ASTN2: variants seen among roughly 807,000 people sequenced by gnomAD.
ASTN2 encodes the protein astrotactin 2.
In ASTN2, 54 loss-of-function variants were observed where a neutral mutation model predicts 139.8. The ratio of observed to expected loss-of-function variants is 0.39; its 90% confidence interval spans 0.31 to 0.48. The LOEUF (loss-of-function observed/expected upper bound fraction) is 0.48. ASTN2 is among the 20% of genes least tolerant of loss of function. ASTN2 has a pLI of 0.95. For missense variants in ASTN2, 1,565 were observed against 1,725.1 expected, an observed-to-expected ratio of 0.91 and a Z score of 1.64; for synonymous variants, 756 against 719.5, an observed-to-expected ratio of 1.05 and a Z score of -0.81.
intron 19 of ASTN2, 141 bp from the exon 20 acceptor site, chr9:116,487,641 G>A (rs1437801774): frequency 3.1e-5 from 27 of 876,140 alleles, no homozygotes; most frequent in Non-Finnish European, 4.2e-5. Context: ...ATATGAAAAT[G>A]AAACAGATTT....
intron 13 of ASTN2, among the ~76,000 whole-genome samples, chr9:116,792,187 A>G (rs1483489132): frequency 1.3e-5 from 2 of 152,286 alleles, no homozygotes; most frequent in East Asian, 3.9e-4. Flanking sequence ...TAATAATAAT[A>G]AAGAACATCT....
At chr9:117,123,197 T>C (rs59940303) in intron 4 of ASTN2, among the ~76,000 whole-genome samples, 30,876 of 151,932 alleles carry the variant, frequency 0.2, 3,351 homozygotes, top group Non-Finnish European at 0.24. Flanking sequence ...GGGATGCTGA[T>C]GCTGCGTGTT....
intron 16 of ASTN2, among the ~76,000 whole-genome samples, chr9:116,658,625 C>T (rs574766072): frequency 2.6e-5 from 4 of 152,036 alleles, no homozygotes; most frequent in Admixed American, 2.6e-4. Flanking sequence ...CCTGAACAAG[C>T]CCCCCAAGAC....
At chr9:116,786,055 C>T (rs942794043) in intron 13 of ASTN2, among the ~76,000 whole-genome samples, 19 of 152,218 alleles carry the variant, frequency 1.2e-4, no homozygotes, top group Admixed American at 3.3e-4. Context: ...CTACTTGCCC[C>T]GCCTCCTTCC....
intron 1 of ASTN2, among the ~76,000 whole-genome samples, chr9:117,365,704 G>A (rs1343542373): frequency 1.3e-5 from 2 of 152,168 alleles, no homozygotes; most frequent in African/African-American, 4.8e-5. Context: ...ATTTGACAAA[G>A]CAATGCTAAC....
At chr9:117,413,547 A>G (rs1300115710) in intron 1 of ASTN2, among the ~76,000 whole-genome samples, 2 of 152,212 alleles carry the variant, frequency 1.3e-5, no homozygotes, top group African/African-American at 4.8e-5. Flanking sequence ...CTCCGAGATA[A>G]TTAAGCTATC....
At chr9:116,632,174 G>GAC (rs1856793815) in intron 17 of ASTN2, among the ~76,000 whole-genome samples, 2 of 29,342 alleles carry the variant, frequency 6.8e-5, no homozygotes, top group Non-Finnish European at 1.2e-4. Context: ...GAGAGAGAGA[G>GAC]AGAGAGAGAG....
At chr9:116,467,896 C>T (rs1455186622) in intron 20 of ASTN2, among the ~76,000 whole-genome samples, 2 of 152,194 alleles carry the variant, frequency 1.3e-5, no homozygotes, top group Admixed American at 1.3e-4. Context: ...TTTGCTCCTA[C>T]GATTGGCTCT....
intron 11 of ASTN2, among the ~76,000 whole-genome samples, chr9:116,840,033 G>T (rs1345278301): frequency 6.7e-6 from 1 of 148,446 alleles, no homozygotes; most frequent in African/African-American, 2.5e-5. Flanking sequence ...GCCTTCCACA[G>T]TGTTTGTGTC....
chr9:117,154,388 G>A (rs575052981), intron 3 of ASTN2, among the ~76,000 whole-genome samples: 16 of 151,942 alleles, frequency 1.1e-4, no homozygotes, highest in Non-Finnish European at 2.2e-4. Flanking sequence ...AAGCTAGAGA[G>A]TAACATTTGG....
At chr9:117,016,395 A>G (rs905365064) in intron 6 of ASTN2, among the ~76,000 whole-genome samples, 1 of 151,804 alleles carries the variant, frequency 6.6e-6, no homozygotes, top group Non-Finnish European at 1.5e-5. Context: ...AGTCTGTGCC[A>G]GTATCTTCCA....
At chr9:117,060,675 C>T (rs1036227495) in intron 5 of ASTN2, among the ~76,000 whole-genome samples, 8 of 151,716 alleles carry the variant, frequency 5.3e-5, no homozygotes, top group Admixed American at 1.3e-4. Context: ...GGGCGGATCA[C>T]GAGGTCAGGA....
At chr9:117,401,739 G>A (rs1020151010) in intron 1 of ASTN2, among the ~76,000 whole-genome samples, 1 of 152,194 alleles carries the variant, frequency 6.6e-6, no homozygotes, top group South Asian at 2.1e-4. Context: ...AAACAAAGGA[G>A]TGTGGCTGTG....
intron 16 of ASTN2, among the ~76,000 whole-genome samples, chr9:116,715,969 G>A (rs1189655990): frequency 6.6e-6 from 1 of 152,202 alleles, no homozygotes; most frequent in African/African-American, 2.4e-5. Flanking sequence ...TTCAATGTAT[G>A]TATCTGTATT....
intron 13 of ASTN2, among the ~76,000 whole-genome samples, chr9:116,739,482 CCCTCCCTCTGGA>C (rs1323044457): frequency 5.8e-5 from 2 of 34,510 alleles, no homozygotes; most frequent in Non-Finnish European, 2.0e-4. Context: ...CTGGAATTTG[CCCTCCCTCTGGA>C]ATTTGCCCTC....
intron 10 of ASTN2, among the ~76,000 whole-genome samples, chr9:116,871,631 A>T (rs1317822474): frequency 2.0e-5 from 3 of 152,220 alleles, no homozygotes; most frequent in African/African-American, 7.2e-5. Context: ...ATGTTTCAGC[A>T]TGTATCACTA....
chr9:117,339,285 T>A (rs1053870279), intron 1 of ASTN2, among the ~76,000 whole-genome samples: 1 of 152,170 alleles, frequency 6.6e-6, no homozygotes, highest in Non-Finnish European at 1.5e-5. Flanking sequence ...TCAATGTGTC[T>A]AACTCCACGA....
rs142230354 is a variant in ASTN2, at chr9:117,140,005, G to A, written c.1168+1321C>T. 8.5e-3 allele frequency among the ~76,000 whole-genome samples: 1,298 copies of A among 152,266 alleles called. 22 individuals carry two copies. The highest frequency in any genetic ancestry group is 0.03 in the African/African-American group (1,235 of 41,558). On this transcript the variant is annotated intron_variant, in intron 4 of 22. Coordinates refer to ENST00000313400, the MANE Select transcript of ASTN2 (RefSeq NM_001365068.1). Reference sequence around the variant, plus strand: ...CCCTGGCCCCACCACTTACTAGAATGTCCCCTCAGACAGATTACAATAGCT... The same window carrying A: ...CCCTGGCCCCACCACTTACTAGAATATCCCCTCAGACAGATTACAATAGCT...
At position 117,291,367 on chromosome 9, in the gene ASTN2, T is replaced by C. The variant is rs1834586914; in HGVS notation, c.589A>G (p.Ile197Val). Residue 197 changes from isoleucine to valine, a missense_variant, in exon 2 of 23, where the codon ATT (isoleucine) becomes GTT (valine). By Grantham distance (29) the Ile-to-Val change is conservative. Transcript: ENST00000313400. ...TAPTLQEPSE[I>V]VEEQMHILHI... ...AGGATGTGCATCTGCTCCTCAACAA[T>C]CTCCGAGGGCTCCTGGAGAGTGGGG... is the stretch of plus-strand genomic sequence containing the variant. 2 of 1,613,794 alleles carry C rather than the reference T, an allele frequency of 1.2e-6. No homozygotes were observed. Among genetic ancestry groups the C allele is most frequent in the East Asian group, 4.5e-5 (2 of 44,822 alleles).
Sources: gnomAD v4.1 joint callset for allele counts (sites outside exome capture counted in the v4.1 genomes callset) on GRCh38, gnomAD v4.1.1 for gene constraint, MANE v1.5 for transcripts, NCBI Gene and HGNC (gene_info 2026-07-23, HGNC 2026-07-21) for gene names.